The following AKAP19 variants were observed in gnomAD, a reference collection of about 807,000 sequenced individuals.
AKAP19 encodes small A-kinase anchoring protein.
chr2:189,998,385 C>T, the AKAP19 span, among the ~76,000 whole-genome samples: 2 of 152,130 alleles, frequency 1.3e-5, no homozygotes, highest in African/African-American at 4.8e-5. Flanking sequence ...GCCATCTGGG[C>T]CTGGGATTTT....
the AKAP19 span, among the ~76,000 whole-genome samples, chr2:190,145,764 G>A: frequency 6.6e-6 from 1 of 151,486 alleles, no homozygotes; most frequent in African/African-American, 2.4e-5. Flanking sequence ...TTCTCAGAAC[G>A]AATTTCTGTT....
chr2:190,169,283 G>A, the AKAP19 span, among the ~76,000 whole-genome samples: 29 of 152,116 alleles, frequency 1.9e-4, no homozygotes, highest in South Asian at 2.9e-3. Flanking sequence ...ACCTCCCACC[G>A]AGTCCCTTCC....
chr2:189,882,926 AT>A, the AKAP19 span, among the ~76,000 whole-genome samples: 574 of 143,158 alleles, frequency 4.0e-3, 3 homozygotes, highest in African/African-American at 0.013. Context: ...CCCAAGGTTC[AT>A]TTTTTTTTTT....
At chr2:189,888,351 T>C in the AKAP19 span, among the ~76,000 whole-genome samples, 280 of 152,336 alleles carry the variant, frequency 1.8e-3, 9 homozygotes, top group East Asian at 0.046. Flanking sequence ...TTGGTTACTG[T>C]AGCCTTGTAG....
the AKAP19 span, among the ~76,000 whole-genome samples, chr2:190,140,280 C>CTG: frequency 1.3e-5 from 2 of 152,016 alleles, no homozygotes; most frequent in East Asian, 3.9e-4. Context: ...GGTGCAAGCT[C>CTG]TCTGTGGATC....
chr2:190,102,644 G>A, the AKAP19 span, among the ~76,000 whole-genome samples: 1 of 152,036 alleles, frequency 6.6e-6, no homozygotes, highest in African/African-American at 2.4e-5. Flanking sequence ...GAAAGAAATT[G>A]AAACCCTGAA....
At chr2:189,965,872 A>G in the AKAP19 span, among the ~76,000 whole-genome samples, 29 of 152,188 alleles carry the variant, frequency 1.9e-4, no homozygotes, top group Admixed American at 3.9e-4. Context: ...CACACTTTGC[A>G]ATTGCAAAAA....
the AKAP19 span, chr2:189,879,926 A>ATTTTTT: frequency 6.6e-6 from 1 of 152,256 alleles, no homozygotes. Flanking sequence ...CGGAAGTCAG[A>ATTTTTT]CCTGCAGGCC....
the AKAP19 span, among the ~76,000 whole-genome samples, chr2:190,019,733 T>C: frequency 0.011 from 1,742 of 152,236 alleles, 24 homozygotes; most frequent in East Asian, 0.064. Context: ...CCTCTAGTTC[T>C]CTTTTTCTAC....
chr2:190,016,965 A>C, the AKAP19 span, among the ~76,000 whole-genome samples: 2 of 152,114 alleles, frequency 1.3e-5, no homozygotes, highest in African/African-American at 4.8e-5. Flanking sequence ...AGGTACTCTG[A>C]TGTTGAGTAC....
the AKAP19 span, chr2:189,923,829 G>A: frequency 6.2e-7 from 1 of 1,610,816 alleles, no homozygotes; most frequent in Non-Finnish European, 8.5e-7. Flanking sequence ...TCTAAGAGTG[G>A]ACAGCGGGGA....
the AKAP19 span, among the ~76,000 whole-genome samples, chr2:190,005,546 C>T: frequency 6.6e-6 from 1 of 152,200 alleles, no homozygotes; most frequent in East Asian, 1.9e-4. Context: ...CTCATTACTG[C>T]CATAAGACTT....
chr2:190,103,191 C>A, the AKAP19 span, among the ~76,000 whole-genome samples: 1 of 152,114 alleles, frequency 6.6e-6, no homozygotes, highest in African/African-American at 2.4e-5. Flanking sequence ...GAACATATCT[C>A]AAGATAATAA....
At chr2:189,996,012 C>T in the AKAP19 span, among the ~76,000 whole-genome samples, 2 of 152,138 alleles carry the variant, frequency 1.3e-5, no homozygotes, top group African/African-American at 2.4e-5. Flanking sequence ...ATGCTTTTGC[C>T]TCACATCTCT....
At chr2:189,942,952 T>C in the AKAP19 span, among the ~76,000 whole-genome samples, 1 of 152,184 alleles carries the variant, frequency 6.6e-6, no homozygotes, top group African/African-American at 2.4e-5. Flanking sequence ...AACTTATATT[T>C]AAAAGGGAAG....
the AKAP19 span, among the ~76,000 whole-genome samples, chr2:189,998,265 C>T: frequency 1.3e-5 from 2 of 152,216 alleles, no homozygotes; most frequent in Non-Finnish European, 2.9e-5. Context: ...TCAGTCTCCA[C>T]ATGCTGTTCT....
chr2:190,076,650 T>C, the AKAP19 span, among the ~76,000 whole-genome samples: 1 of 152,242 alleles, frequency 6.6e-6, no homozygotes, highest in South Asian at 2.1e-4. Flanking sequence ...TCAATATTAC[T>C]TATCATTGTT....
chr2:189,930,952 T>C, the AKAP19 span: 1 of 800,252 alleles, frequency 1.2e-6, no homozygotes. Context: ...CCAGTCGGAC[T>C]GAGACTCCTG....
At chr2:190,150,803 C>A in the AKAP19 span, among the ~76,000 whole-genome samples, 3 of 151,376 alleles carry the variant, frequency 2.0e-5, no homozygotes, top group Non-Finnish European at 4.4e-5. Context: ...TTTCTACTCC[C>A]ACCAGCAATA....
Sources: gnomAD v4.1 joint callset for allele counts (sites outside exome capture counted in the v4.1 genomes callset) on GRCh38, gnomAD v4.1.1 for gene constraint, MANE v1.5 for transcripts, NCBI Gene and HGNC (gene_info 2026-07-23, HGNC 2026-07-21) for gene names.